The following FBXO17 variants were observed in gnomAD, a reference collection of about 807,000 sequenced individuals.
FBXO17 encodes F-box protein 17, also known as F-box only protein 17.
FBXO17 carries 43 observed loss-of-function variants against 34.1 expected under a neutral mutation model. The ratio of observed to expected loss-of-function variants is 1.26; its 90% CI spans 0.99 to 1.62. FBXO17 has a LOEUF of 1.62. Among genes scored for constraint, FBXO17 ranks in the 40% most tolerant of loss-of-function variants. The probability of loss-of-function intolerance (pLI) is 0.00; values close to 1 mark genes in which losing one functional copy is unlikely to be tolerated. For missense variants in FBXO17, 424 were observed against 386.7 expected (o/e 1.10, Z -0.81); for synonymous variants, 169 against 166.0 (o/e 1.02, Z -0.14).
At position 38,957,872 on chromosome 19, in the gene FBXO17, C is replaced by T. The variant is rs557461150; in HGVS notation, c.-17-7536G>A. ...ATTCCAGCACTTTGGGAGGTGGAGG[C>T]GGGAGGATTGCTTGAGCCCAGGAGT... On this transcript the variant is annotated intron_variant, in intron 1 of 5. Coordinates refer to ENST00000292852, the MANE Select transcript of FBXO17 (RefSeq NM_024907.7). Among the ~76,000 whole-genome samples, 19 of 151,872 alleles carry T rather than the reference C, an allele frequency of 1.3e-4. No homozygotes were observed. In the South Asian group the frequency reaches 1.9e-3, roughly 15 times the overall value.
Position 38,942,482 on chromosome 19 carries a change from G to C in FBXO17, c.*126C>G. The C allele has an allele frequency of 9.5e-7, 1 of 1,049,736 alleles. No individual in the cohort carries two copies. The highest frequency in any genetic ancestry group is 1.3e-6 in the Non-Finnish European group (1 of 775,294). The allele number at this position is 1,049,736 out of a possible 1,614,324, so 65.0% of individuals were successfully genotyped here. ...TCACTATGTTGCCCAGGCTGGTCTT[G>C]AACTCCCGAGCTCCAGTGATCCTCC... On this transcript the variant is annotated 3_prime_UTR_variant, in exon 6 of 6. Transcript: ENST00000292852.
intron 1 of FBXO17, among the ~76,000 whole-genome samples, chr19:38,950,565 C>G (rs527631325): frequency 6.6e-6 from 1 of 152,338 alleles, no homozygotes; most frequent in South Asian, 2.1e-4. Context: ...TCACGGCTTC[C>G]GTCTGGCGTT....
At chr19:38,945,140 C>T (rs1399839586) in intron 4 of FBXO17, 36 bp from the exon 5 acceptor site, 1 of 1,611,752 alleles carries the variant, frequency 6.2e-7, no homozygotes. Flanking sequence ...GCCCCCGTCA[C>T]CCAGCCAGCT....
intron 1 of FBXO17, among the ~76,000 whole-genome samples, chr19:38,950,810 GAC>G (rs765020288): frequency 1.7e-4 from 25 of 151,324 alleles, no homozygotes; most frequent in Middle Eastern, 3.4e-3. Flanking sequence ...TTTTTTTTGA[GAC>G]ACAGTCTTGC....
rs749073612 is a variant in FBXO17, at chr19:38,950,001, G to T, written c.319C>A (p.Arg107Ser). 1 of 1,552,270 alleles carries T rather than the reference G, an allele frequency of 6.4e-7. No individual in the cohort carries two copies. Among genetic ancestry groups the T allele is most frequent in the Non-Finnish European group, 8.7e-7 (1 of 1,150,256 alleles). The change falls in exon 2 of 6, where the codon CGC (arginine) becomes AGC (serine). Residue 107 changes from arginine (R) to serine (S), a missense_variant. Physicochemically the swap from Arg to Ser is moderately radical, Grantham distance 110 (BLOSUM62 -1). Transcript: ENST00000292852. Reference protein sequence around the residue: ...ARYCLRAPFGRNLIFNSCGEQ... With the variant: ...ARYCLRAPFGSNLIFNSCGEQ... ...CCGCAGGAGTTGAAGATGAGATTGC[G>T]GCCGAAGGGCGCGCGCAGACAGTAG...
chr19:38,956,854 G>A (rs1163244026), intron 1 of FBXO17, among the ~76,000 whole-genome samples: 1 of 151,772 alleles, frequency 6.6e-6, no homozygotes, highest in African/African-American at 2.4e-5. Context: ...CACACAGCGA[G>A]ACTCTGCCTC....
At chr19:38,946,840 A>C in intron 3 of FBXO17, 16 of 454,984 alleles carry the variant, frequency 3.5e-5, no homozygotes, top group East Asian at 8.3e-5. Flanking sequence ...ATGACTACAA[A>C]TGAAGGCCAC....
In FBXO17 at chr19:38,946,043, C is replaced by A. The variant is rs142753323; in HGVS notation, c.557+429G>T. 1.1e-4 allele frequency: 22 copies of A among 200,818 alleles called. No individual in the cohort carries two copies. In the East Asian group the frequency reaches 3.2e-3, roughly 29 times the overall value. 12.4% of individuals were successfully genotyped at this position (200,818 alleles called of 1,614,324 possible). A position where few individuals can be genotyped will look rare whatever the true frequency, so the allele number is the denominator to read the frequency against. ...GGAGCTGGAATGCTTTGGGGCAGAA[C>A]CTGGGTGTTTTGGGAAGAAGGCATT... On this transcript the variant is annotated intron_variant, in intron 4 of 5. Coordinates refer to ENST00000292852, the MANE Select transcript of FBXO17 (RefSeq NM_024907.7).
chr19:38,945,998 A>T (rs1433382234), intron 4 of FBXO17: 1 of 185,296 alleles, frequency 5.4e-6, no homozygotes, highest in Admixed American at 5.6e-5. Flanking sequence ...TTTTCTATGG[A>T]AGAGCCACAG....
At chr19:38,956,920 A>C (rs181251950) in intron 1 of FBXO17, among the ~76,000 whole-genome samples, 1 of 152,268 alleles carries the variant, frequency 6.6e-6, no homozygotes, top group Non-Finnish European at 1.5e-5. Context: ...GATGTGTCAT[A>C]ATAATGGCAA....
chr19:38,975,395 T>C lies in FBXO17; in HGVS notation c.-18+191A>G, dbSNP rs2144851144. Reference sequence around the variant, plus strand: ...CTTTCTAACGTGCATTTGTATAACTTTGGGTTTAAAGGAGCCTCAGGCCGA... The same window carrying C: ...CTTTCTAACGTGCATTTGTATAACTCTGGGTTTAAAGGAGCCTCAGGCCGA... On this transcript the variant is annotated intron_variant, in intron 1 of 5. Transcript: ENST00000292852. This position sits in a 1 kb window ranked among gnomAD's most constrained non-coding sequence, Gnocchi z 4.9. Among the ~76,000 whole-genome samples, 1 of 152,236 alleles carries C rather than the reference T, an allele frequency of 6.6e-6. No homozygotes were observed. Among genetic ancestry groups the C allele is most frequent in the Non-Finnish European group, 1.5e-5 (1 of 68,014 alleles).
At chr19:38,954,895 TTTATTATTA>T (rs139274792) in intron 1 of FBXO17, among the ~76,000 whole-genome samples, 15,626 of 134,082 alleles carry the variant, frequency 0.12, 1,117 homozygotes, top group Middle Eastern at 0.16. Context: ...AATGTGTTAT[TTTATTATTA>T]TTATTATTAT....
At chr19:38,967,201 T>C (rs1327735764) in intron 1 of FBXO17, among the ~76,000 whole-genome samples, 1 of 152,234 alleles carries the variant, frequency 6.6e-6, no homozygotes, top group African/African-American at 2.4e-5. Flanking sequence ...CTCACGCCTG[T>C]AATCCCAGCA....
intron 2 of FBXO17, chr19:38,949,725 C>T (rs1028937513): frequency 1.7e-6 from 1 of 580,576 alleles, no homozygotes; most frequent in East Asian, 3.1e-5. Context: ...AAACTACTTG[C>T]TTTCTCCCCC....
intron 1 of FBXO17, among the ~76,000 whole-genome samples, chr19:38,953,028 A>G (rs1196316668): frequency 6.6e-6 from 1 of 152,142 alleles, no homozygotes; most frequent in Non-Finnish European, 1.5e-5. Context: ...TTGACCTGGC[A>G]CGCTGGCTCA....
At chr19:38,968,391 T>TA (rs1426739679) in intron 1 of FBXO17, among the ~76,000 whole-genome samples, 1 of 149,952 alleles carries the variant, frequency 6.7e-6, no homozygotes, top group Non-Finnish European at 1.5e-5. Context: ...GAGGCCGAGG[T>TA]AGGAGGATCC....
chr19:38,968,089 A>G (rs1796763198), intron 1 of FBXO17, among the ~76,000 whole-genome samples: 1 of 152,046 alleles, frequency 6.6e-6, no homozygotes, highest in African/African-American at 2.4e-5. Context: ...TAATCCCAGC[A>G]CTTTGGGAGT....
At chr19:38,951,099 A>G (rs1600192722) in intron 1 of FBXO17, among the ~76,000 whole-genome samples, 1 of 151,978 alleles carries the variant, frequency 6.6e-6, no homozygotes, top group African/African-American at 2.4e-5. Flanking sequence ...CTGTTTTTTC[A>G]AAGATTTATA....
At chr19:38,945,682 G>A (rs1974971649) in intron 4 of FBXO17, 1 of 177,724 alleles carries the variant, frequency 5.6e-6, no homozygotes. Flanking sequence ...GAGGGGCCTG[G>A]GTGGTCCTGG....
Sources: gnomAD v4.1 joint callset for allele counts (sites outside exome capture counted in the v4.1 genomes callset) on GRCh38, gnomAD v4.1.1 for gene constraint, Gnocchi (gnomAD v3.1) non-coding constraint, MANE v1.5 for transcripts, NCBI Gene and HGNC (gene_info 2026-07-23, HGNC 2026-07-21) for gene names.